VPS13B: variants seen among roughly 807,000 people sequenced by gnomAD.
The protein encoded by VPS13B is vacuolar protein sorting 13 homolog B, also known as intermembrane lipid transfer protein VPS13B.
Under a neutral mutation model 426.4 loss-of-function variants are expected in VPS13B, and 285 were observed. The observed-to-expected ratio is 0.67, with a 90% CI of 0.61 to 0.74. VPS13B has a LOEUF of 0.74. VPS13B is among the 30% of genes least tolerant of loss of function. VPS13B has a pLI of 0.00. For synonymous variants in VPS13B, 1,676 were observed against 1,676.4 expected (o/e 1.00, Z 0.01); for missense variants, 4,537 against 4,782.6 (o/e 0.95, Z 1.51).
At chr8:99,592,266 C>T (rs1318217071) in intron 33 of VPS13B, among the ~76,000 whole-genome samples, 1 of 152,078 alleles carries the variant, frequency 6.6e-6, no homozygotes, top group Non-Finnish European at 1.5e-5. Context: ...CGAACATCCT[C>T]CCGTAGCTTG....
intron 43 of VPS13B, among the ~76,000 whole-genome samples, chr8:99,793,975 G>A (rs1812685796): frequency 1.3e-5 from 2 of 152,140 alleles, no homozygotes; most frequent in Admixed American, 1.3e-4. Flanking sequence ...ACTCAGCTTG[G>A]CTGGGTGCAG....
At chr8:99,668,774 G>A (rs1830586487) in intron 35 of VPS13B, among the ~76,000 whole-genome samples, 2 of 152,164 alleles carry the variant, frequency 1.3e-5, no homozygotes, top group South Asian at 4.1e-4. Context: ...GCAGGTGATA[G>A]ATTAGTTGGA....
rs543978350 is a variant in VPS13B, at chr8:99,831,245, G to A, written c.9331-1124G>A. Among the ~76,000 whole-genome samples, 8 of 151,546 alleles carry A rather than the reference G, an allele frequency of 5.3e-5. No homozygotes were observed. In the East Asian group the frequency reaches 1.4e-3, roughly 26 times the overall value. ...CCACCACCACACCCAGCTAATTTTT[G>A]TATTTTTAGTAGAGATGGGGTTTCA... is the stretch of plus-strand genomic sequence containing the variant. On this transcript the variant is annotated intron_variant, in intron 51 of 61. Transcript: ENST00000357162.
chr8:99,502,959 T>C lies in VPS13B; in HGVS notation c.4157+9T>C. 1 of 1,543,110 alleles carries C rather than the reference T, an allele frequency of 6.5e-7. No individual in the cohort carries two copies. The highest frequency in any genetic ancestry group is 9.0e-7 in the Non-Finnish European group (1 of 1,117,062). ...GATCACTATAGAAGCAGGTAAATAA[T>C]GAATAATGAATATAAGAAAATCTGT... On this transcript the variant is annotated intron_variant, in intron 27 of 61. Coordinates refer to ENST00000357162, the MANE Select transcript of VPS13B (RefSeq NM_152564.5).
intron 24 of VPS13B, among the ~76,000 whole-genome samples, chr8:99,481,009 C>A (rs1820004931): frequency 6.6e-6 from 1 of 152,026 alleles, no homozygotes; most frequent in Non-Finnish European, 1.5e-5. Context: ...AAACAATGTG[C>A]AAATTAAACA....
At chr8:99,239,685 A>T (rs1816818209) in intron 17 of VPS13B, among the ~76,000 whole-genome samples, 1 of 78,000 alleles carries the variant, frequency 1.3e-5, no homozygotes, top group Non-Finnish European at 3.3e-5. Context: ...GAATCAGTTC[A>T]GCCAGAGTCA....
chr8:99,029,502 G>A (rs1170392286), intron 2 of VPS13B, among the ~76,000 whole-genome samples: 2 of 152,104 alleles, frequency 1.3e-5, no homozygotes, highest in African/African-American at 4.8e-5. Context: ...CTGAGTGAAC[G>A]AGACTCCGTC....
chr8:99,287,347 T>A (rs572322994), intron 19 of VPS13B, among the ~76,000 whole-genome samples: 2 of 152,016 alleles, frequency 1.3e-5, no homozygotes, highest in African/African-American at 2.4e-5. Flanking sequence ...AGTTATGATA[T>A]GATCTATGAT....
chr8:99,580,978 C>T (rs1216943210), intron 33 of VPS13B, among the ~76,000 whole-genome samples: 1 of 137,072 alleles, frequency 7.3e-6, no homozygotes, highest in African/African-American at 2.8e-5. Flanking sequence ...AACTGCATCT[C>T]TACAAAACAC....
chr8:99,660,313 A>T (rs2129751326), intron 34 of VPS13B, among the ~76,000 whole-genome samples: 1 of 152,332 alleles, frequency 6.6e-6, no homozygotes, highest in African/African-American at 2.4e-5. Context: ...AGCAATACTA[A>T]ATAACCATAT....
intron 21 of VPS13B, chr8:99,429,760 A>G (rs1816987543): frequency 6.6e-6 from 1 of 152,208 alleles, no homozygotes; most frequent in Non-Finnish European, 1.5e-5. Flanking sequence ...CACTGGATAC[A>G]TGTAGTAAAT....
intron 21 of VPS13B, among the ~76,000 whole-genome samples, chr8:99,405,813 C>T (rs1002313589): frequency 6.7e-6 from 1 of 148,424 alleles, no homozygotes; most frequent in African/African-American, 2.5e-5. Context: ...GAGTCTTGCT[C>T]TGTCGCCCAG....
chr8:99,689,136 G>A (rs1213889735), intron 35 of VPS13B, among the ~76,000 whole-genome samples: 1 of 151,966 alleles, frequency 6.6e-6, no homozygotes, highest in Non-Finnish European at 1.5e-5. Context: ...CCTTGGTGGG[G>A]CGGTTTCATC....
At chr8:99,028,400 C>G (rs557313664) in intron 2 of VPS13B, among the ~76,000 whole-genome samples, 3 of 149,222 alleles carry the variant, frequency 2.0e-5, no homozygotes, top group East Asian at 4.0e-4. Flanking sequence ...GCTGACCCCC[C>G]CCACCTCCCT....
intron 33 of VPS13B, among the ~76,000 whole-genome samples, chr8:99,635,070 A>G (rs1829016345): frequency 6.6e-6 from 1 of 151,954 alleles, no homozygotes. Context: ...AAACTTCTAA[A>G]GCATAGAGCT....
At chr8:99,605,932 A>G (rs1827546738) in intron 33 of VPS13B, among the ~76,000 whole-genome samples, 1 of 152,124 alleles carries the variant, frequency 6.6e-6, no homozygotes, top group South Asian at 2.1e-4. Context: ...GTCCCACTGT[A>G]TCACCCAGGC....
At chr8:99,598,725 T>A (rs1827137512) in intron 33 of VPS13B, among the ~76,000 whole-genome samples, 1 of 151,894 alleles carries the variant, frequency 6.6e-6, no homozygotes, top group Admixed American at 6.6e-5. Context: ...ATTCCTTCCT[T>A]TGCCTTCTCC....
chr8:99,063,771 G>A (rs531936558), intron 3 of VPS13B, among the ~76,000 whole-genome samples: 10 of 152,244 alleles, frequency 6.6e-5, no homozygotes, highest in Non-Finnish European at 1.2e-4. Flanking sequence ...GCCTCCTCAA[G>A]TGGGTCCCTG....
At chr8:99,463,708 T>G (rs1459524071) in intron 23 of VPS13B, among the ~76,000 whole-genome samples, 2 of 152,214 alleles carry the variant, frequency 1.3e-5, no homozygotes, top group Non-Finnish European at 2.9e-5. Context: ...TTATTTTATT[T>G]TAAGATGGAG....
Sources: allele counts gnomAD v4.1 joint callset (sites outside exome capture counted in the v4.1 genomes callset), GRCh38; gene constraint gnomAD v4.1.1; transcripts MANE v1.5; gene names NCBI Gene and HGNC (gene_info 2026-07-23, HGNC 2026-07-21).